The following KCNN2 variants were observed in gnomAD, a reference collection of about 807,000 sequenced individuals.
KCNN2 encodes the protein small conductance calcium-activated potassium channel protein 2.
A neutral mutation model predicts 55.5 loss-of-function variants in KCNN2; 24 were observed. The ratio of observed to expected loss-of-function variants is 0.43; its 90% CI spans 0.31 to 0.61. KCNN2 has a LOEUF of 0.61. Ranked by LOEUF, KCNN2 falls within the 20% of genes least tolerant of loss-of-function variation. KCNN2 has a pLI of 0.08. For missense variants in KCNN2, 754 were observed against 853.6 expected, an observed-to-expected ratio of 0.88 and a Z score of 1.45; for synonymous variants, 431 against 336.1, an observed-to-expected ratio of 1.28 and a Z score of -3.09.
intron 1 of KCNN2, among the ~76,000 whole-genome samples, chr5:114,159,705 T>C (rs1003962356): frequency 2.0e-5 from 3 of 152,208 alleles, no homozygotes; most frequent in African/African-American, 7.2e-5. Context: ...TATTCAGAGA[T>C]TCAACTTCTT....
At chr5:114,238,823 A>T (rs1377202323) in intron 2 of KCNN2, among the ~76,000 whole-genome samples, 2 of 152,130 alleles carry the variant, frequency 1.3e-5, no homozygotes, top group African/African-American at 4.8e-5. Flanking sequence ...CCCTTTTCTC[A>T]TGAAGCATGG....
intron 1 of KCNN2, among the ~76,000 whole-genome samples, chr5:114,213,938 C>T (rs1753941273): frequency 6.6e-6 from 1 of 151,940 alleles, no homozygotes; most frequent in African/African-American, 2.4e-5. Context: ...GACATCAAGT[C>T]CCCACAACAC....
intron 2 of KCNN2, among the ~76,000 whole-genome samples, chr5:114,319,112 A>G (rs1241847405): frequency 6.6e-6 from 1 of 152,150 alleles, no homozygotes; most frequent in Non-Finnish European, 1.5e-5. Flanking sequence ...CCAGAGACTG[A>G]GTGATTACCA....
In KCNN2 at chr5:114,323,659, T is replaced by TTTTTTTTTTTTC. The variant is rs1215544186; in HGVS notation, c.-184-37278_-184-37277insTTTCTTTTTTTT. On this transcript the variant is annotated intron_variant, in intron 2 of 10. Coordinates refer to the KCNN2 transcript ENST00000512097. Reference sequence around the variant, plus strand: ...GATATAAACATATCAATTTTTTTTTTTTTTTTTTGCTGGTCGGGATGGAAT... The same window carrying TTTTTTTTTTTTC: ...GATATAAACATATCAATTTTTTTTTTTTTTTTTTTTTCTTTTTTTTGCTGGTCGGGATGGAAT... Among the ~76,000 whole-genome samples the TTTTTTTTTTTTC allele has an allele frequency of 2.9e-5, 4 of 137,194 alleles. 1 individual carries two copies. In the East Asian group the frequency reaches 9.1e-4, roughly 31 times the overall value. 90.0% of individuals were successfully genotyped at this position (137,194 alleles called of 152,430 possible).
chr5:114,295,633 C>T (rs1755994671), intron 2 of KCNN2, among the ~76,000 whole-genome samples: 1 of 152,134 alleles, frequency 6.6e-6, no homozygotes, highest in Non-Finnish European at 1.5e-5. Flanking sequence ...AAGGGAACTC[C>T]CTGACCCCTT....
At chr5:114,374,399 T>C (rs1397828453) in intron 2 of KCNN2, among the ~76,000 whole-genome samples, 1 of 152,230 alleles carries the variant, frequency 6.6e-6, no homozygotes, top group Non-Finnish European at 1.5e-5. Context: ...CTGTATTCTT[T>C]GTAGGTCTAC....
chr5:114,387,919 T>G (rs1001356772), intron 2 of KCNN2, among the ~76,000 whole-genome samples: 2 of 152,208 alleles, frequency 1.3e-5, no homozygotes, highest in Non-Finnish European at 2.9e-5. Context: ...ACAGTTGAAA[T>G]AGGCTTCATT....
At chr5:114,485,345 ACT>A (rs1192704781) in intron 5 of KCNN2, among the ~76,000 whole-genome samples, 3 of 151,692 alleles carry the variant, frequency 2.0e-5, no homozygotes, top group Non-Finnish European at 4.4e-5. Flanking sequence ...GAGATCTGAG[ACT>A]CTCTCTTTCC....
At chr5:114,380,728 A>T (rs759080411) in intron 2 of KCNN2, among the ~76,000 whole-genome samples, 96 of 152,244 alleles carry the variant, frequency 6.3e-4, no homozygotes, top group Non-Finnish European at 1.0e-3. Context: ...AGGCATGATG[A>T]GGTTTTTGTT....
chr5:114,392,779 G>C (rs1758488003), intron 2 of KCNN2, among the ~76,000 whole-genome samples: 1 of 146,690 alleles, frequency 6.8e-6, no homozygotes, highest in Non-Finnish European at 1.5e-5. Context: ...TCATTATTTG[G>C]CTTTCTTCTG....
At chr5:114,262,870 A>C (rs1289850692) in intron 2 of KCNN2, among the ~76,000 whole-genome samples, 1 of 152,176 alleles carries the variant, frequency 6.6e-6, no homozygotes, top group East Asian at 1.9e-4. Flanking sequence ...TATTTATCAA[A>C]AGAGGGATTG....
chr5:114,478,319 T>C (rs139627212), intron 5 of KCNN2, among the ~76,000 whole-genome samples: 118 of 152,150 alleles, frequency 7.8e-4, no homozygotes, highest in Middle Eastern at 6.8e-3. Flanking sequence ...CTATATGCTA[T>C]AGGTTTGAAC....
chr5:114,068,189 C>G (rs540467990), intron 1 of KCNN2, among the ~76,000 whole-genome samples: 47 of 152,284 alleles, frequency 3.1e-4, no homozygotes, highest in African/African-American at 1.1e-3. Flanking sequence ...CTAACAAATA[C>G]TTTTCTATAA....
At position 114,374,974 on chromosome 5, in the gene KCNN2, C is replaced by G. The variant is rs575714506; in HGVS notation, c.1218+10973C>G. Among the ~76,000 whole-genome samples the G allele has an allele frequency of 2.2e-4, 33 of 152,234 alleles. No homozygotes were observed. In the South Asian group the frequency reaches 6.8e-3, roughly 32 times the overall value. ...TAGTCGTCTTCTGTCAGGAGGCTTT[C>G]GTTTTCCAGGGGAAATTCTGTGCAA... On this transcript the variant is annotated intron_variant, in intron 2 of 7. Transcript: ENST00000673685.
intron 1 of KCNN2, among the ~76,000 whole-genome samples, chr5:114,164,962 G>A (rs1023439472): frequency 1.3e-5 from 2 of 152,100 alleles, no homozygotes; most frequent in Admixed American, 6.5e-5. Flanking sequence ...GATCCTATAA[G>A]GAAGGCACTA....
intron 6 of KCNN2, 158 bp from the exon 7 acceptor site, chr5:114,493,245 A>T: frequency 1.4e-6 from 1 of 700,134 alleles, no homozygotes; most frequent in Non-Finnish European, 2.7e-6. Flanking sequence ...CATGCTTCTC[A>T]TTGTACCAGA....
chr5:114,143,394 A>G (rs1363167117), intron 1 of KCNN2, among the ~76,000 whole-genome samples: 1 of 152,198 alleles, frequency 6.6e-6, no homozygotes, highest in African/African-American at 2.4e-5. Context: ...GCTGGTTACA[A>G]ACAATCCATA....
intron 1 of KCNN2, among the ~76,000 whole-genome samples, chr5:114,116,771 A>G (rs1416290690): frequency 6.6e-6 from 1 of 152,230 alleles, no homozygotes; most frequent in East Asian, 1.9e-4. Context: ...TTCTCTAGCA[A>G]GTTGTGGGAG....
chr5:114,222,823 G>T (rs1754168473), intron 2 of KCNN2, among the ~76,000 whole-genome samples: 1 of 152,094 alleles, frequency 6.6e-6, no homozygotes, highest in Admixed American at 6.5e-5. Context: ...AAAAGTCCAG[G>T]TTCTGTGTAT....
Sources: gnomAD v4.1 joint callset for allele counts (sites outside exome capture counted in the v4.1 genomes callset) on GRCh38, gnomAD v4.1.1 for gene constraint, MANE v1.5 for transcripts, NCBI Gene and HGNC (gene_info 2026-07-23, HGNC 2026-07-21) for gene names.